PDE4D: variants seen among roughly 807,000 people sequenced by gnomAD.
The protein encoded by PDE4D is 3',5'-cyclic-AMP phosphodiesterase 4D.
PDE4D carries 24 observed loss-of-function variants against 87.4 expected under a neutral mutation model. The observed-to-expected ratio is 0.27, with a 90% CI of 0.20 to 0.39. The LOEUF (loss-of-function observed/expected upper bound fraction) is 0.39. Ranked by LOEUF, PDE4D falls within the 10% of genes least tolerant of loss-of-function variation. PDE4D has a pLI of 1.00. For synonymous variants in PDE4D, 384 were observed against 383.2 expected (o/e 1.00, Z -0.02); for missense variants, 714 against 1,041.0 (o/e 0.69, Z 4.32).
intron 3 of PDE4D, among the ~76,000 whole-genome samples, chr5:59,960,435 A>C (rs1759336294): frequency 6.6e-6 from 1 of 152,200 alleles, no homozygotes; most frequent in African/African-American, 2.4e-5. Flanking sequence ...TTACAATAGC[A>C]AAGACATGGA....
chr5:59,643,392 G>A (rs181397639), intron 1 of PDE4D, among the ~76,000 whole-genome samples: 319 of 152,290 alleles, frequency 2.1e-3, no homozygotes, highest in African/African-American at 7.3e-3. Context: ...TGATCAGCCT[G>A]AGGAAGGTGA....
chr5:59,352,091 C>T (rs766231341), intron 1 of PDE4D, among the ~76,000 whole-genome samples: 2 of 152,012 alleles, frequency 1.3e-5, no homozygotes, highest in Admixed American at 6.6e-5. Flanking sequence ...ATCCACCTCC[C>T]GAGGCTGTTT....
At chr5:60,142,663 G>C (rs1421350305) in intron 2 of PDE4D, among the ~76,000 whole-genome samples, 1 of 152,158 alleles carries the variant, frequency 6.6e-6, no homozygotes, top group Non-Finnish European at 1.5e-5. Context: ...TACACAAAGG[G>C]GAGAAGTCTT....
At chr5:59,619,291 T>TGA (rs1218646578) in intron 1 of PDE4D, among the ~76,000 whole-genome samples, 4 of 152,132 alleles carry the variant, frequency 2.6e-5, no homozygotes, top group African/African-American at 9.7e-5. Flanking sequence ...GGAGGCTCTC[T>TGA]TGGACACATC....
chr5:59,689,512 A>G (rs1211520860), intron 1 of PDE4D, among the ~76,000 whole-genome samples: 1 of 152,192 alleles, frequency 6.6e-6, no homozygotes, highest in African/African-American at 2.4e-5. Context: ...GTTTGACAAA[A>G]TTCAACAACC....
intron 1 of PDE4D, among the ~76,000 whole-genome samples, chr5:59,882,969 G>A (rs981546904): frequency 5.9e-5 from 9 of 152,236 alleles, no homozygotes; most frequent in African/African-American, 2.2e-4. Context: ...GGTAGAGACA[G>A]GGTTTCGCCA....
chr5:58,991,777 T>C, intron 8 of PDE4D, 55 bp downstream of exon 8: 1 of 1,157,380 alleles, frequency 8.6e-7, no homozygotes, highest in East Asian at 2.8e-5. Context: ...GAAGTGAAAA[T>C]TCATGAAAGG....
rs79877557 is a variant in PDE4D, at chr5:59,481,037, G to A, written c.456-265069C>T. Among the ~76,000 whole-genome samples, 715 of 152,210 alleles carry A rather than the reference G, an allele frequency of 4.7e-3. 7 individuals carry two copies. The highest frequency in any genetic ancestry group is 0.017 in the African/African-American group (689 of 41,552). ...AGGCTCTTTGTCTCTATTTGCAGTAGAAGTCCTAACAAGGCCAAGGACAAA... is the reference window on the plus strand; with the variant it reads ...AGGCTCTTTGTCTCTATTTGCAGTAAAAGTCCTAACAAGGCCAAGGACAAA... On this transcript the variant is annotated intron_variant, in intron 1 of 14. Coordinates refer to ENST00000340635, the MANE Select transcript of PDE4D (RefSeq NM_001104631.2).
In PDE4D at chr5:59,226,425, T is replaced by C. The variant is rs58688754; in HGVS notation, c.456-10457A>G. On this transcript the variant is annotated intron_variant, in intron 1 of 14. Transcript: ENST00000340635. The stretch of plus-strand genomic sequence containing the variant: ...GATAAATATTGCATGATCCCTCTTA[T>C]ATGAGGGATTTAAAGTAGTTGAACT... Among the ~76,000 whole-genome samples, 854 of 152,280 alleles carry C rather than the reference T, an allele frequency of 5.6e-3. 17 individuals carry two copies. In the East Asian group the frequency reaches 0.057, roughly 10 times the overall value.
At chr5:60,489,998 T>C (rs1453378756), upstream of PDE4D, 1 of 152,242 alleles carries the variant, frequency 6.6e-6, no homozygotes. Context: ...AAACCCTTAC[T>C]GTCCAAGACC....
chr5:60,508,279 C>T lies in PDE4D; in HGVS notation n.70+13772G>A, dbSNP rs191959743. 3.9e-5 allele frequency among the ~76,000 whole-genome samples: 6 copies of T among 152,312 alleles called. No homozygotes were observed. The East Asian group carries it at 1.2e-3, about 29-fold the overall frequency. On this transcript the variant is annotated intron_variant and non_coding_transcript_variant, in intron 1 of 2. Coordinates refer to the PDE4D transcript ENST00000506510. ...CTGTTCCAGGAATACAAATTAATGT[C>T]AATACTGTTGATTACACACATCTCC...
chr5:60,100,577 T>C (rs1219911232), intron 2 of PDE4D, among the ~76,000 whole-genome samples: 1 of 152,046 alleles, frequency 6.6e-6, no homozygotes, highest in Non-Finnish European at 1.5e-5. Flanking sequence ...GTCAGACACA[T>C]GCTTGATACC....
chr5:59,721,763 A>G (rs1755864555), intron 1 of PDE4D, among the ~76,000 whole-genome samples: 1 of 152,198 alleles, frequency 6.6e-6, no homozygotes, highest in African/African-American at 2.4e-5. Context: ...ATGCTACTAT[A>G]AACTATAAAG....
In PDE4D at chr5:60,147,169, C is replaced by T. The variant is rs1582864926; in HGVS notation, c.42+38388G>A. ...GCTACACTGGTACTTCCCCATTGAT[C>T]ACAGGCAAAGCGTGAACTCTCTGTT... is the stretch of plus-strand genomic sequence containing the variant. On this transcript the variant is annotated intron_variant, in intron 2 of 16. Coordinates refer to the PDE4D transcript ENST00000502484. Among the ~76,000 whole-genome samples, 4 of 152,306 alleles carry T rather than the reference C, an allele frequency of 2.6e-5. 1 individual carries two copies. The highest frequency in any genetic ancestry group is 9.6e-5 in the African/African-American group (4 of 41,566).
rs935243541 is a variant in PDE4D, at chr5:60,133,360, G to A, written c.42+52197C>T. On this transcript the variant is annotated intron_variant, in intron 2 of 16. Coordinates refer to the PDE4D transcript ENST00000502484. Reference sequence around the variant, plus strand: ...ATTAATTTTTTTTAGACGGGGTCTCGTTCTGTTGTCCAGACTGGAGTGCAG... The same window carrying A: ...ATTAATTTTTTTTAGACGGGGTCTCATTCTGTTGTCCAGACTGGAGTGCAG... Among the ~76,000 whole-genome samples, 11 of 151,896 alleles carry A rather than the reference G, an allele frequency of 7.2e-5. No homozygotes were observed. In the East Asian group the frequency reaches 7.8e-4, roughly 11 times the overall value.
intron 1 of PDE4D, among the ~76,000 whole-genome samples, chr5:60,434,229 T>C (rs185277612): frequency 1.3e-5 from 2 of 152,306 alleles, no homozygotes; most frequent in Admixed American, 6.5e-5. Flanking sequence ...AAAAGAGTTC[T>C]GTAACTTTAA....
chr5:59,763,450 G>T (rs187283621), intron 1 of PDE4D, among the ~76,000 whole-genome samples: 194 of 152,212 alleles, frequency 1.3e-3, no homozygotes, highest in African/African-American at 4.5e-3. Flanking sequence ...AATATGTGAA[G>T]ATAACAGGTT....
chr5:59,743,530 C>T (rs1027624024), intron 1 of PDE4D, among the ~76,000 whole-genome samples: 2 of 152,066 alleles, frequency 1.3e-5, no homozygotes, highest in Non-Finnish European at 2.9e-5. Flanking sequence ...CACACACACA[C>T]ACGTAAGTGT....
chr5:59,170,818 AT>A lies in PDE4D; in HGVS notation c.808+9776del, dbSNP rs767955653. On this transcript the variant is annotated intron_variant, in intron 5 of 14. Transcript: ENST00000340635. ...AATTCACACATTATTTAGAATTTGG[AT>A]TGTTTTTAACCCTTTATGCACATTC... Among the ~76,000 whole-genome samples the A allele has an allele frequency of 5.3e-5, 8 of 151,678 alleles. No individual in the cohort carries two copies. In the East Asian group the frequency reaches 1.5e-3, roughly 29 times the overall value.
Sources: allele counts gnomAD v4.1 joint callset (sites outside exome capture counted in the v4.1 genomes callset), GRCh38; gene constraint gnomAD v4.1.1; transcripts MANE v1.5; gene names NCBI Gene and HGNC (gene_info 2026-07-23, HGNC 2026-07-21).